The following JMJD1C variants were observed in gnomAD, a reference collection of about 807,000 sequenced individuals.
JMJD1C encodes jumonji domain-containing protein 1C.
In JMJD1C, 31 loss-of-function variants were observed where a neutral mutation model predicts 245.3. That is an observed-to-expected ratio of 0.13 (90% CI 0.09 to 0.17). The LOEUF is 0.17. Ranked by LOEUF, JMJD1C falls within the 10% of genes least tolerant of loss-of-function variation. The pLI is 1.00. For missense variants in JMJD1C, 2,691 were observed against 3,000.2 expected (o/e 0.90, Z 2.41); for synonymous variants, 1,057 against 1,017.4 (o/e 1.04, Z -0.74).
At chr10:63,356,820 A>T (rs941009394) in intron 2 of JMJD1C, among the ~76,000 whole-genome samples, 1 of 152,098 alleles carries the variant, frequency 6.6e-6, no homozygotes, top group African/African-American at 2.4e-5. Context: ...AAGAGAGAAC[A>T]TTTTCACTTT....
At chr10:63,168,407 A>AAC in intron 25 of JMJD1C, 28 bp downstream of exon 25, 2 of 1,579,774 alleles carry the variant, frequency 1.3e-6, no homozygotes, top group Non-Finnish European at 1.7e-6. Flanking sequence ...AAGCCTGAAG[A>AAC]ACAGGACCTA....
intron 1 of JMJD1C, among the ~76,000 whole-genome samples, chr10:63,448,160 AATTTT>A (rs763655656): frequency 6.0e-4 from 91 of 151,976 alleles, no homozygotes; most frequent in Non-Finnish European, 1.0e-3. Flanking sequence ...ATTTTATTTT[AATTTT>A]ATTTTATTTG....
intron 1 of JMJD1C, among the ~76,000 whole-genome samples, chr10:63,505,077 C>A (rs1388728079): frequency 2.6e-5 from 4 of 152,134 alleles, no homozygotes; most frequent in Admixed American, 6.5e-5. Flanking sequence ...CTTTGGGAGG[C>A]CTAGGCAGGC....
At chr10:63,511,248 C>T (rs56040731) in intron 1 of JMJD1C, among the ~76,000 whole-genome samples, 3,248 of 152,182 alleles carry the variant, frequency 0.021, 117 homozygotes, top group African/African-American at 0.073. Context: ...TTCCTATTTC[C>T]GTCTTTTACA....
At chr10:63,227,159 C>T (rs1045687629) in intron 3 of JMJD1C, among the ~76,000 whole-genome samples, 1 of 151,690 alleles carries the variant, frequency 6.6e-6, no homozygotes, top group Non-Finnish European at 1.5e-5. Context: ...CTACTTAATT[C>T]GAAAGAAAAA....
chr10:63,189,137 A>G, intron 18 of JMJD1C, 31 bp downstream of exon 18: 2 of 1,559,826 alleles, frequency 1.3e-6, no homozygotes, highest in African/African-American at 1.4e-5. Context: ...AGTTCCACCA[A>G]GAGTGTTCTT....
chr10:63,273,682 T>C (rs1856533939), intron 2 of JMJD1C, among the ~76,000 whole-genome samples: 1 of 152,174 alleles, frequency 6.6e-6, no homozygotes, highest in Non-Finnish European at 1.5e-5. Flanking sequence ...GTAAAAGGCC[T>C]TTTTTGGCTG....
chr10:63,202,125 G>C (rs138622885), intron 10 of JMJD1C: 1 of 177,586 alleles, frequency 5.6e-6, no homozygotes, highest in Non-Finnish European at 1.1e-5. Flanking sequence ...GCGGTAGCAC[G>C]CACCTGTAAT....
intron 1 of JMJD1C, among the ~76,000 whole-genome samples, chr10:63,474,129 A>G (rs1953584411): frequency 6.6e-6 from 1 of 151,416 alleles, no homozygotes; most frequent in East Asian, 1.9e-4. Flanking sequence ...TAAATAAATA[A>G]CTTCTGGGAA....
intron 10 of JMJD1C, chr10:63,203,013 C>T (rs2133104317): frequency 1.0e-6 from 1 of 984,934 alleles, no homozygotes; most frequent in East Asian, 1.1e-4. Flanking sequence ...TCAGATAGTA[C>T]TATAGTAAAG....
intron 1 of JMJD1C, among the ~76,000 whole-genome samples, chr10:63,395,543 C>T (rs1334312141): frequency 2.6e-5 from 4 of 152,114 alleles, no homozygotes; most frequent in Non-Finnish European, 5.9e-5. Context: ...AAGCAACTAA[C>T]TCTGGATGCT....
intron 2 of JMJD1C, among the ~76,000 whole-genome samples, chr10:63,365,150 C>T (rs2134390028): frequency 6.6e-6 from 1 of 152,312 alleles, no homozygotes; most frequent in Admixed American, 6.5e-5. Context: ...AATGCCAATT[C>T]AGCATTTAAA....
At chr10:63,323,562 G>A (rs958047556) in intron 2 of JMJD1C, among the ~76,000 whole-genome samples, 10 of 152,128 alleles carry the variant, frequency 6.6e-5, no homozygotes, top group Admixed American at 6.5e-4. Flanking sequence ...ATTTTCTGAA[G>A]CACAAGTTAT....
At chr10:63,220,709 TCTCA>T (rs1848501445) in intron 3 of JMJD1C, among the ~76,000 whole-genome samples, 3 of 152,182 alleles carry the variant, frequency 2.0e-5, no homozygotes, top group African/African-American at 7.2e-5. Context: ...TCTCTCTCTC[TCTCA>T]AAGTACCTCT....
intron 1 of JMJD1C, among the ~76,000 whole-genome samples, chr10:63,503,405 T>C (rs1954621042): frequency 6.6e-6 from 1 of 152,222 alleles, no homozygotes; most frequent in Non-Finnish European, 1.5e-5. Context: ...ATTTTCGTAG[T>C]GTGAAATTAA....
In JMJD1C at chr10:63,263,959, TACACACACACACACACACAC is replaced by T. The variant is rs746833882; in HGVS notation, c.447+672_447+691del. Among the ~76,000 whole-genome samples, 415 of 83,018 alleles carry T rather than the reference TACACACACACACACACACAC, an allele frequency of 5.0e-3. 6 individuals are homozygous for T. The highest frequency in any genetic ancestry group is 0.016 in the African/African-American group (386 of 23,842). 54.5% of individuals were successfully genotyped at this position (83,018 alleles called of 152,430 possible). A position where few individuals can be genotyped will look rare whatever the true frequency, so the allele number is the denominator to read the frequency against. ...AAAAAAAAAAAAAAAAAAATACACA[TACACACACACACACACACAC>T]ACACACACACACACACACACACACA... On this transcript the variant is annotated intron_variant, in intron 3 of 25. Coordinates refer to ENST00000399262, the MANE Select transcript of JMJD1C (RefSeq NM_032776.3).
intron 4 of JMJD1C, among the ~76,000 whole-genome samples, chr10:63,217,913 TG>T (rs771261169): frequency 4.6e-5 from 7 of 152,110 alleles, no homozygotes; most frequent in African/African-American, 1.7e-4. Context: ...AGGATATTCT[TG>T]TATAGATATC....
intron 13 of JMJD1C, 27 bp from the exon 14 acceptor site, chr10:63,194,402 A>G: frequency 7.4e-7 from 1 of 1,355,900 alleles, no homozygotes; most frequent in East Asian, 2.3e-5. Context: ...CTTGTATATC[A>G]CACTCATGGT....
chr10:63,434,321 G>T lies in JMJD1C; in HGVS notation c.168+31174C>A, dbSNP rs189055492. Among the ~76,000 whole-genome samples, 8 of 152,192 alleles carry T rather than the reference G, an allele frequency of 5.3e-5. No individual in the cohort carries two copies. The East Asian group carries it at 9.6e-4, about 18-fold the overall frequency. ...TTAAGATGCAACATACGTTACAAAC[G>T]GCAATGGACTAGGTTATGGGAAACA... On this transcript the variant is annotated intron_variant, in intron 1 of 25. Coordinates refer to ENST00000399262, the MANE Select transcript of JMJD1C (RefSeq NM_032776.3).
Sources: gnomAD v4.1 joint callset for allele counts (sites outside exome capture counted in the v4.1 genomes callset) on GRCh38, gnomAD v4.1.1 for gene constraint, MANE v1.5 for transcripts, NCBI Gene and HGNC (gene_info 2026-07-23, HGNC 2026-07-21) for gene names.